GRIK3: variants seen among roughly 807,000 people sequenced by gnomAD.
The protein encoded by GRIK3 is glutamate receptor ionotropic, kainate 3.
GRIK3 carries 29 observed loss-of-function variants against 102.5 expected under a neutral mutation model. That is an observed-to-expected ratio of 0.28 (90% CI 0.21 to 0.39). The LOEUF is 0.39. Ranked by LOEUF, GRIK3 falls within the 10% of genes least tolerant of loss-of-function variation. GRIK3 has a pLI of 1.00. For missense variants in GRIK3, 908 were observed against 1,252.4 expected, an observed-to-expected ratio of 0.73 and a Z score of 4.15; for synonymous variants, 511 against 504.9, an observed-to-expected ratio of 1.01 and a Z score of -0.16.
intron 13 of GRIK3, among the ~76,000 whole-genome samples, chr1:36,815,859 A>G (rs1642620506): frequency 6.6e-6 from 1 of 151,976 alleles, no homozygotes; most frequent in Non-Finnish European, 1.5e-5. Flanking sequence ...TCCCAGGTTC[A>G]AGCCTTTCTT....
intron 1 of GRIK3, among the ~76,000 whole-genome samples, chr1:36,965,168 C>G (rs1028820317): frequency 6.6e-6 from 1 of 152,124 alleles, no homozygotes; most frequent in Non-Finnish European, 1.5e-5. Context: ...CTTCTATTTC[C>G]TCGCCTGTCA....
chr1:37,034,439 G>A lies in GRIK3; in HGVS notation c.-331C>T, dbSNP rs536782210. On this transcript the variant is annotated 5_prime_UTR_variant, in exon 1 of 16. Transcript: ENST00000373091. ...GGCTCCCACCTGCCCCGGCTGCCGGGCTCTGGCGGGCGGGCTGCACGCGTC... is the reference window on the plus strand; with the variant it reads ...GGCTCCCACCTGCCCCGGCTGCCGGACTCTGGCGGGCGGGCTGCACGCGTC... 1.0e-3 allele frequency among the ~76,000 whole-genome samples: 157 copies of A among 151,184 alleles called. 2 individuals carry two copies. Among genetic ancestry groups the A allele is most frequent in the Admixed American group, 8.6e-3 (131 of 15,250 alleles).
intron 1 of GRIK3, among the ~76,000 whole-genome samples, chr1:36,937,811 A>G (rs1160752): frequency 0.61 from 92,823 of 152,180 alleles, 29,799 homozygotes; most frequent in East Asian, 0.85. Flanking sequence ...CACTACATCC[A>G]TGAATTAAGC....
At chr1:36,948,940 C>T (rs1641813154) in intron 1 of GRIK3, among the ~76,000 whole-genome samples, 1 of 152,196 alleles carries the variant, frequency 6.6e-6, no homozygotes, top group African/African-American at 2.4e-5. Context: ...CGCTCAGGGA[C>T]CAGGGCACCA....
At chr1:36,842,342 C>T (rs1177911737) in intron 9 of GRIK3, among the ~76,000 whole-genome samples, 1 of 152,202 alleles carries the variant, frequency 6.6e-6, no homozygotes, top group African/African-American at 2.4e-5. Flanking sequence ...AATGCACATT[C>T]TCAGGCCCCA....
At chr1:36,803,221 C>T (rs1217159246) in intron 15 of GRIK3, among the ~76,000 whole-genome samples, 4 of 152,048 alleles carry the variant, frequency 2.6e-5, no homozygotes, top group Non-Finnish European at 5.9e-5. Context: ...CAGAAGATGT[C>T]AAGAACACAC....
intron 1 of GRIK3, among the ~76,000 whole-genome samples, chr1:36,968,890 C>T (rs556961095): frequency 6.6e-6 from 1 of 152,196 alleles, no homozygotes; most frequent in Non-Finnish European, 1.5e-5. Flanking sequence ...TTTGAGCAAA[C>T]AGAATGACTC....
intron 1 of GRIK3, among the ~76,000 whole-genome samples, chr1:36,972,062 C>A (rs767686303): frequency 1.3e-5 from 2 of 152,232 alleles, no homozygotes; most frequent in Non-Finnish European, 2.9e-5. Flanking sequence ...CAGGAGGGGG[C>A]TTGAGGAGGC....
At chr1:37,031,930 G>T (rs1398953872) in intron 1 of GRIK3, among the ~76,000 whole-genome samples, 12 of 152,158 alleles carry the variant, frequency 7.9e-5, no homozygotes, top group African/African-American at 2.7e-4. Flanking sequence ...CGCCCAAACT[G>T]GCACAGCTCT....
At chr1:36,962,997 A>T (rs530324187) in intron 1 of GRIK3, among the ~76,000 whole-genome samples, 1 of 152,192 alleles carries the variant, frequency 6.6e-6, no homozygotes, top group South Asian at 2.1e-4. Flanking sequence ...TGCAAAGGAC[A>T]GAAAGGGTGA....
At chr1:36,812,417 C>T (rs998857235) in intron 13 of GRIK3, among the ~76,000 whole-genome samples, 2 of 152,140 alleles carry the variant, frequency 1.3e-5, no homozygotes, top group African/African-American at 4.8e-5. Context: ...TTCCGATGTC[C>T]TCTCTCTTCA....
chr1:36,836,443 G>T (rs1640379885), intron 10 of GRIK3, among the ~76,000 whole-genome samples: 1 of 152,254 alleles, frequency 6.6e-6, no homozygotes, highest in Non-Finnish European at 1.5e-5. Flanking sequence ...TGGGACAGCA[G>T]CCAAGTTTAG....
intron 10 of GRIK3, among the ~76,000 whole-genome samples, chr1:36,828,991 G>A (rs61769772): frequency 0.12 from 18,721 of 152,104 alleles, 1,252 homozygotes; most frequent in Non-Finnish European, 0.15. Flanking sequence ...GTTTTAATGG[G>A]GTCAGGAGAC....
intron 13 of GRIK3, among the ~76,000 whole-genome samples, chr1:36,813,942 A>G (rs1642592250): frequency 6.6e-6 from 1 of 152,126 alleles, no homozygotes; most frequent in African/African-American, 2.4e-5. Context: ...GAATTAATTG[A>G]CCATAGGGAC....
At chr1:36,814,891 A>G (rs111480447) in intron 13 of GRIK3, among the ~76,000 whole-genome samples, 4 of 152,258 alleles carry the variant, frequency 2.6e-5, no homozygotes, top group African/African-American at 9.6e-5. Context: ...TGCCCAGATC[A>G]CAGAGATGCA....
intron 1 of GRIK3, among the ~76,000 whole-genome samples, chr1:37,010,284 G>C (rs879425409): frequency 6.6e-6 from 1 of 152,188 alleles, no homozygotes; most frequent in Non-Finnish European, 1.5e-5. Flanking sequence ...AGAATGAGTT[G>C]TAAATATGTT....
chr1:37,026,971 T>C (rs1300926489), intron 1 of GRIK3, among the ~76,000 whole-genome samples: 3 of 152,062 alleles, frequency 2.0e-5, no homozygotes, highest in Non-Finnish European at 4.4e-5. Flanking sequence ...TTCTGTTTCT[T>C]GGAAGTGATG....
intron 1 of GRIK3, among the ~76,000 whole-genome samples, chr1:36,918,763 G>A (rs1018213522): frequency 6.6e-6 from 1 of 152,158 alleles, no homozygotes; most frequent in African/African-American, 2.4e-5. Context: ...CAAGAGATGT[G>A]CTGCCTAGTC....
At chr1:37,024,794 T>G (rs183392663) in intron 1 of GRIK3, among the ~76,000 whole-genome samples, 27 of 141,326 alleles carry the variant, frequency 1.9e-4, no homozygotes, top group African/African-American at 7.1e-4. Flanking sequence ...AGGTGGGAAG[T>G]GAGGGAGGCA....
Sources: allele counts gnomAD v4.1 joint callset (sites outside exome capture counted in the v4.1 genomes callset), GRCh38; gene constraint gnomAD v4.1.1; transcripts MANE v1.5; gene names NCBI Gene and HGNC (gene_info 2026-07-23, HGNC 2026-07-21).